Variants in DSCAM observed in about 807,000 individuals in gnomAD.
DSCAM encodes DS cell adhesion molecule, also known as cell adhesion molecule DSCAM.
A neutral mutation model predicts 217.7 loss-of-function variants in DSCAM; 47 were observed. The observed-to-expected ratio is 0.22, with a 90% confidence interval of 0.17 to 0.28. The LOEUF is 0.28. Ranked by LOEUF, DSCAM falls within the 10% of genes least tolerant of loss-of-function variation. The pLI, the probability that DSCAM is intolerant of heterozygous loss-of-function variation, is 1.00. For missense variants in DSCAM, 2,080 were observed against 2,618.3 expected (o/e 0.79, Z 4.49); for synonymous variants, 1,056 against 1,015.3 (o/e 1.04, Z -0.76).
intron 3 of DSCAM, among the ~76,000 whole-genome samples, chr21:40,378,678 G>A (rs1034872726): frequency 4.6e-5 from 6 of 131,428 alleles, no homozygotes; most frequent in African/African-American, 1.4e-4. Flanking sequence ...TGCAAGCTCC[G>A]CCTCCCAGGT....
chr21:40,546,982 G>A (rs1012267816), intron 3 of DSCAM, among the ~76,000 whole-genome samples: 6 of 152,062 alleles, frequency 3.9e-5, no homozygotes, highest in Non-Finnish European at 8.8e-5. Flanking sequence ...CAAGGGGGCT[G>A]AGAAGCATTT....
intron 3 of DSCAM, among the ~76,000 whole-genome samples, chr21:40,652,790 G>C (rs1210393952): frequency 2.6e-5 from 4 of 152,190 alleles, no homozygotes; most frequent in Non-Finnish European, 5.9e-5. Flanking sequence ...GAGGCTTGGG[G>C]CCAGGCAAGA....
chr21:40,842,625 G>A (rs2092112338), intron 1 of DSCAM, among the ~76,000 whole-genome samples: 1 of 152,080 alleles, frequency 6.6e-6, no homozygotes, highest in Non-Finnish European at 1.5e-5. Flanking sequence ...ATTGAATTGA[G>A]TCTCTTGTCG....
At chr21:40,081,277 C>T (rs1434027991) in intron 24 of DSCAM, among the ~76,000 whole-genome samples, 2 of 152,190 alleles carry the variant, frequency 1.3e-5, no homozygotes, top group Non-Finnish European at 2.9e-5. Flanking sequence ...CGGGTTGGTA[C>T]CTTCTATTCC....
intron 3 of DSCAM, among the ~76,000 whole-genome samples, chr21:40,518,087 G>A (rs1014546462): frequency 6.6e-6 from 1 of 151,550 alleles, no homozygotes; most frequent in African/African-American, 2.4e-5. Context: ...ACCAAGGAGG[G>A]CACATAGAAC....
rs79288689 is a variant in DSCAM at position 40,406,818 on chromosome 21, C to T, written c.509-37573G>A. On this transcript the variant is annotated intron_variant, in intron 3 of 32. Coordinates refer to ENST00000400454, the MANE Select transcript of DSCAM (RefSeq NM_001389.5). ...AATTTTAGTAGAGACAGGGTTTCACCGTGTTGGCCAGGCTGGTCTGGAACT... is the reference window on the plus strand; with the variant it reads ...AATTTTAGTAGAGACAGGGTTTCACTGTGTTGGCCAGGCTGGTCTGGAACT... 8.3e-4 allele frequency among the ~76,000 whole-genome samples: 127 copies of T among 152,130 alleles called. 2 individuals carry two copies. The East Asian group carries it at 0.02, about 24-fold the overall frequency.
intron 3 of DSCAM, among the ~76,000 whole-genome samples, chr21:40,404,049 A>C (rs2075261151): frequency 6.6e-6 from 1 of 152,126 alleles, no homozygotes; most frequent in African/African-American, 2.4e-5. Flanking sequence ...ATAAATGAGA[A>C]AGCCCTGAGA....
At chr21:40,347,169 A>AT (rs1156675643) in intron 6 of DSCAM, among the ~76,000 whole-genome samples, 3 of 151,924 alleles carry the variant, frequency 2.0e-5, no homozygotes, top group Admixed American at 1.3e-4. Flanking sequence ...GTGGTGGTGC[A>AT]TGCCTGTAAT....
At chr21:40,068,207 T>C (rs1054974619) in intron 27 of DSCAM, among the ~76,000 whole-genome samples, 1 of 152,100 alleles carries the variant, frequency 6.6e-6, no homozygotes. Flanking sequence ...GGCTAAAAAA[T>C]GATGGCTGAA....
chr21:40,639,395 T>C (rs1483830505), intron 3 of DSCAM, among the ~76,000 whole-genome samples: 2 of 152,182 alleles, frequency 1.3e-5, no homozygotes, highest in Non-Finnish European at 2.9e-5. Context: ...ACTTAGATAC[T>C]GACAAAGTAT....
intron 1 of DSCAM, among the ~76,000 whole-genome samples, chr21:40,727,647 C>T (rs2090970150): frequency 6.6e-6 from 1 of 152,142 alleles, no homozygotes; most frequent in Non-Finnish European, 1.5e-5. Flanking sequence ...CCACCATCAC[C>T]TCTCCCTGGT....
chr21:40,331,673 T>TA (rs371841803), intron 8 of DSCAM, among the ~76,000 whole-genome samples: 3,780 of 152,182 alleles, frequency 0.025, 66 homozygotes, highest in Non-Finnish European at 0.036. Context: ...GAGGACATGG[T>TA]AAAAAAATGC....
intron 4 of DSCAM, among the ~76,000 whole-genome samples, chr21:40,360,704 C>T (rs1041602940): frequency 6.6e-6 from 1 of 152,078 alleles, no homozygotes; most frequent in African/African-American, 2.4e-5. Context: ...TTTATTTATC[C>T]AATCTACCAT....
At chr21:40,338,431 G>A in intron 7 of DSCAM, 55 bp from the exon 8 acceptor site, 1 of 1,536,208 alleles carries the variant, frequency 6.5e-7, no homozygotes, top group Non-Finnish European at 8.8e-7. Context: ...TCTCATGTAG[G>A]GAAATGGGTA....
intron 3 of DSCAM, among the ~76,000 whole-genome samples, chr21:40,558,224 A>C (rs897814541): frequency 2.0e-5 from 3 of 152,126 alleles, no homozygotes; most frequent in Non-Finnish European, 4.4e-5. Context: ...AGATGGGCAG[A>C]TTACGAGGTC....
chr21:40,799,283 T>C (rs2091718006), intron 1 of DSCAM, among the ~76,000 whole-genome samples: 1 of 152,126 alleles, frequency 6.6e-6, no homozygotes, highest in Non-Finnish European at 1.5e-5. Context: ...ATATTGCCAA[T>C]AGGTAAATTG....
At chr21:40,519,844 CTCTCTCTGTG>C (rs1395111741) in intron 3 of DSCAM, among the ~76,000 whole-genome samples, 3 of 147,970 alleles carry the variant, frequency 2.0e-5, no homozygotes, top group East Asian at 2.0e-4. Flanking sequence ...CACTCTCTCT[CTCTCTCTGTG>C]TGTGTGTATG....
chr21:40,712,805 GAGAC>G lies in DSCAM; in HGVS notation c.44-4038_44-4035del, dbSNP rs1005714061. 1.7e-3 allele frequency among the ~76,000 whole-genome samples: 250 copies of G among 146,716 alleles called. 2 individuals carry two copies. Among genetic ancestry groups the G allele is most frequent in the African/African-American group, 6.3e-3 (243 of 38,842 alleles). On this transcript the variant is annotated intron_variant, in intron 1 of 32. Transcript: ENST00000400454. ...TTTAGGAACTGACTGTATAGAAGTT[GAGAC>G]AGAGAGAGAGAGAGAGAGAGAGAGA...
chr21:40,165,877 C>T (rs966833956), intron 16 of DSCAM, among the ~76,000 whole-genome samples: 3 of 151,718 alleles, frequency 2.0e-5, no homozygotes, highest in Admixed American at 6.6e-5. Flanking sequence ...GCTTGCTGAG[C>T]GTCTTTATTC....
Sources: allele counts gnomAD v4.1 joint callset (sites outside exome capture counted in the v4.1 genomes callset), GRCh38; gene constraint gnomAD v4.1.1; transcripts MANE v1.5; gene names NCBI Gene and HGNC (gene_info 2026-07-23, HGNC 2026-07-21).